MAP2K5: variants seen among roughly 807,000 people sequenced by gnomAD.
MAP2K5 encodes dual specificity mitogen-activated protein kinase kinase 5.
In MAP2K5, 49 loss-of-function variants were observed where a neutral mutation model predicts 83.1. That is an observed-to-expected ratio of 0.59 (90% CI 0.47 to 0.75). MAP2K5 has a LOEUF of 0.75. MAP2K5 is among the 30% of genes least tolerant of loss of function. MAP2K5 has a pLI of 0.00. For synonymous variants in MAP2K5, 202 were observed against 191.8 expected (o/e 1.05, Z -0.44); for missense variants, 457 against 557.5 (o/e 0.82, Z 1.82).
At chr15:67,664,967 C>A (rs1392986423) in intron 13 of MAP2K5, among the ~76,000 whole-genome samples, 1 of 152,178 alleles carries the variant, frequency 6.6e-6, no homozygotes, top group Non-Finnish European at 1.5e-5. Flanking sequence ...TGTACAATTA[C>A]ATCCTTCCTT....
In MAP2K5 at chr15:67,789,164, T is replaced by C. The variant is rs566202346; in HGVS notation, c.1242+16412T>C. On this transcript the variant is annotated intron_variant, in intron 21 of 21. Coordinates refer to ENST00000178640, the MANE Select transcript of MAP2K5 (RefSeq NM_145160.3). ...TTTTACTTAGTGAGTCATTGAGGTC[T>C]TTCCATATAATATAAAGATCAACCT... Among the ~76,000 whole-genome samples, 9 of 152,306 alleles carry C rather than the reference T, an allele frequency of 5.9e-5. No individual in the cohort carries two copies. The East Asian group carries it at 1.5e-3, about 26-fold the overall frequency.
rs76857879 is a variant in MAP2K5, at chr15:67,640,524, T to C, written c.586-5707T>C. ...GGCTGCCTGATGTCACAGAGGATTG[T>C]GAAGAGCAGCAAATCACAGTCCTTG... is the stretch of plus-strand genomic sequence containing the variant. On this transcript the variant is annotated intron_variant, in intron 9 of 21. Transcript: ENST00000178640. This position sits in a 1 kb window ranked among gnomAD's most constrained non-coding sequence, Gnocchi z 4.6. The C allele has an allele frequency of 5.0e-5, 48 of 958,844 alleles. No individual in the cohort carries two copies. The East Asian group carries it at 5.4e-3, about 108-fold the overall frequency. The allele number at this position is 958,844 out of a possible 1,614,324, so 59.4% of individuals were successfully genotyped here.
chr15:67,767,101 TATTC>T (rs2090054608), intron 19 of MAP2K5, among the ~76,000 whole-genome samples: 1 of 152,128 alleles, frequency 6.6e-6, no homozygotes, highest in African/African-American at 2.4e-5. Flanking sequence ...GGAAATAAAT[TATTC>T]ATGGGTACCA....
Position 67,772,749 on chromosome 15 carries a change from G to A in MAP2K5, c.1239G>A (p.Leu413=). The A allele has an allele frequency of 1.9e-6, 3 of 1,601,906 alleles. No individual in the cohort carries two copies. Among genetic ancestry groups the A allele is most frequent in the Non-Finnish European group, 2.6e-6 (3 of 1,173,812 alleles). ...QPKERPAPEE[L]MGHPFIVQFN... ...AAGAAAGGCCAGCACCTGAAGAATT[G>A]ATGGTAAGTGAATGTTTTTAGTTAC... Residue 413 remains leucine, a synonymous_variant, in exon 21 of 22, where the codon TTG becomes TTA. Coordinates refer to ENST00000178640, the MANE Select transcript of MAP2K5 (RefSeq NM_145160.3).
In MAP2K5 at chr15:67,698,561, C is replaced by T. The variant is rs1376241284; in HGVS notation, c.973-4776C>T. ...GTTCCTAAAACTTTAACCAACTATTCAGTCTTCCTGGCTTACTATCATTTT... is the reference window on the plus strand; with the variant it reads ...GTTCCTAAAACTTTAACCAACTATTTAGTCTTCCTGGCTTACTATCATTTT... On this transcript the variant is annotated intron_variant, in intron 15 of 21. Coordinates refer to ENST00000178640, the MANE Select transcript of MAP2K5 (RefSeq NM_145160.3). This position sits in a 1 kb window ranked among gnomAD's most constrained non-coding sequence, Gnocchi z 4.5. 6.6e-6 allele frequency among the ~76,000 whole-genome samples: 1 copy of T among 152,142 alleles called. No individual in the cohort carries two copies. The highest frequency in any genetic ancestry group is 1.5e-5 in the Non-Finnish European group (1 of 68,020).
At chr15:67,721,468 CAG>C (rs1462973482) in intron 16 of MAP2K5, among the ~76,000 whole-genome samples, 1 of 152,224 alleles carries the variant, frequency 6.6e-6, no homozygotes, top group African/African-American at 2.4e-5. Flanking sequence ...TACAAGCTCT[CAG>C]ACTACTTGGC....
chr15:67,595,331 G>C (rs950487210), intron 7 of MAP2K5, among the ~76,000 whole-genome samples: 11 of 152,270 alleles, frequency 7.2e-5, no homozygotes, highest in South Asian at 2.1e-4. Context: ...TGTGTTTTCC[G>C]ATTAGTCTCT....
intron 17 of MAP2K5, among the ~76,000 whole-genome samples, chr15:67,740,787 G>A (rs2089473430): frequency 6.6e-6 from 1 of 152,110 alleles, no homozygotes; most frequent in Non-Finnish European, 1.5e-5. Flanking sequence ...CAGCACTTTG[G>A]GAGGCTGAGA....
chr15:67,745,902 G>T (rs577099268), intron 17 of MAP2K5, among the ~76,000 whole-genome samples: 16 of 152,248 alleles, frequency 1.1e-4, no homozygotes, highest in African/African-American at 3.9e-4. Flanking sequence ...TACTGGCACT[G>T]TTACCTTAAT....
intron 7 of MAP2K5, among the ~76,000 whole-genome samples, chr15:67,596,953 C>T (rs1026540354): frequency 6.6e-6 from 1 of 152,004 alleles, no homozygotes; most frequent in Non-Finnish European, 1.5e-5. Flanking sequence ...GGGCGGATCA[C>T]GAGGTCAGGA....
At position 67,786,921 on chromosome 15, in the gene MAP2K5, G is replaced by T. The variant is rs1555406322; in HGVS notation, c.1242+14169G>T. On this transcript the variant is annotated intron_variant, in intron 21 of 21. Coordinates refer to ENST00000178640, the MANE Select transcript of MAP2K5 (RefSeq NM_145160.3). This position sits in a 1 kb window ranked among gnomAD's most constrained non-coding sequence, Gnocchi z 4.7. The stretch of plus-strand genomic sequence containing the variant: ...AACAAGAGGGAAGACATTCCAGGGA[G>T]AGAAAATGGCACAGGCTGAGACCGG... Among the ~76,000 whole-genome samples the T allele has an allele frequency of 6.6e-6, 1 of 152,186 alleles. No homozygotes were observed. Among genetic ancestry groups the T allele is most frequent in the Non-Finnish European group, 1.5e-5 (1 of 68,034 alleles).
At position 67,543,298 on chromosome 15, in the gene MAP2K5, T is replaced by A; in HGVS notation, c.-38T>A. 6.2e-7 allele frequency: 1 copy of A among 1,613,544 alleles called. No individual in the cohort carries two copies. The highest frequency in any genetic ancestry group is 8.5e-7 in the Non-Finnish European group (1 of 1,179,616). On this transcript the variant is annotated 5_prime_UTR_variant, in exon 1 of 22. Transcript: ENST00000178640. The surrounding 1 kb of genome is among the most constrained non-coding windows in gnomAD (Gnocchi z 4.3). ...CCCCTCCTAACCAGCGGCCAGTGGG[T>A]TTCCCATACCCCAGGATGTGAGCCT...
rs200735132 is a variant in MAP2K5, at chr15:67,646,282, T to C, written c.637T>C (p.Leu213=). The C allele has an allele frequency of 1.4e-6, 2 of 1,453,448 alleles. No homozygotes were observed. Among genetic ancestry groups the C allele is most frequent in the Non-Finnish European group, 1.9e-6 (2 of 1,045,116 alleles). 90.0% of individuals were successfully genotyped at this position (1,453,448 alleles called of 1,614,324 possible). A position where few individuals can be genotyped will look rare whatever the true frequency, so the allele number is the denominator to read the frequency against. ...LELQKQIMSE[L]EILYKCDSSY... is the part of the protein sequence containing the mutation. ...ACTTCAGAAGCAAATTATGTCTGAA[T>C]TGGAAATTCTTTATAAGGTAATTTT... Residue 213 remains leucine (L), a synonymous_variant, in exon 10 of 22, where the codon TTG becomes CTG. Coordinates refer to ENST00000178640, the MANE Select transcript of MAP2K5 (RefSeq NM_145160.3).
chr15:67,593,650 G>A (rs919427730), intron 7 of MAP2K5, among the ~76,000 whole-genome samples: 4 of 152,356 alleles, frequency 2.6e-5, no homozygotes, highest in Admixed American at 6.5e-5. Flanking sequence ...TTTAATGTTT[G>A]TTATAGTGGA....
intron 2 of MAP2K5, among the ~76,000 whole-genome samples, chr15:67,557,383 C>T (rs1032592819): frequency 5.3e-5 from 8 of 152,204 alleles, no homozygotes; most frequent in African/African-American, 1.9e-4. Context: ...CTATTACACT[C>T]ATGTATTCTA....
rs2090121291 is a variant in MAP2K5, at chr15:67,770,487, A to G, written c.1196+824A>G. Among the ~76,000 whole-genome samples the G allele has an allele frequency of 6.6e-6, 1 of 152,172 alleles. No homozygotes were observed. Among genetic ancestry groups the G allele is most frequent in the African/African-American group, 2.4e-5 (1 of 41,440 alleles). ...AGAGGAGGAATTCAGGAACATAGGA[A>G]TCATTGTCCTCAAAGCAGGAGACAA... On this transcript the variant is annotated intron_variant, in intron 20 of 21. Coordinates refer to ENST00000178640, the MANE Select transcript of MAP2K5 (RefSeq NM_145160.3). This position sits in a 1 kb window ranked among gnomAD's most constrained non-coding sequence, Gnocchi z 5.0.
At chr15:67,548,295 C>T (rs1157186791) in intron 1 of MAP2K5, among the ~76,000 whole-genome samples, 12 of 152,128 alleles carry the variant, frequency 7.9e-5, no homozygotes, top group Non-Finnish European at 1.8e-4. Context: ...GTTTTCCCCT[C>T]GTTTTTTTAA....
rs547437622 is a variant in MAP2K5, at chr15:67,760,847, G to A, written c.1135-8755G>A. Among the ~76,000 whole-genome samples the A allele has an allele frequency of 3.9e-5, 6 of 151,904 alleles. No homozygotes were observed. In the East Asian group the frequency reaches 7.8e-4, roughly 20 times the overall value. On this transcript the variant is annotated intron_variant, in intron 19 of 21. Transcript: ENST00000178640. The surrounding 1 kb of genome is among the most constrained non-coding windows in gnomAD (Gnocchi z 4.1). The stretch of plus-strand genomic sequence containing the variant: ...AATGCTCATTTAATCCACCATGATG[G>A]GACCTACACACCCTGAGCCCAAGTT...
chr15:67,549,395 T>C (rs2084463285), intron 1 of MAP2K5, among the ~76,000 whole-genome samples: 1 of 152,228 alleles, frequency 6.6e-6, no homozygotes, highest in African/African-American at 2.4e-5. Flanking sequence ...TAAAGGTTGA[T>C]AAGAACTGTT....
Sources: gnomAD v4.1 joint callset for allele counts (sites outside exome capture counted in the v4.1 genomes callset) on GRCh38, gnomAD v4.1.1 for gene constraint, Gnocchi (gnomAD v3.1) non-coding constraint, MANE v1.5 for transcripts, NCBI Gene and HGNC (gene_info 2026-07-23, HGNC 2026-07-21) for gene names.